Variants in SGCZ observed in about 807,000 individuals in gnomAD.
The protein encoded by SGCZ is zeta-sarcoglycan.
SGCZ carries 40 observed loss-of-function variants against 41.3 expected under a neutral mutation model. The observed-to-expected ratio is 0.97, with a 90% CI of 0.75 to 1.26. The LOEUF (loss-of-function observed/expected upper bound fraction) is 1.26. Among genes scored for constraint, SGCZ ranks in the 50% most tolerant of loss-of-function variants. The pLI, the probability that SGCZ is intolerant of heterozygous loss-of-function variation, is 0.00. For synonymous variants in SGCZ, 206 were observed against 137.5 expected (o/e 1.50, Z -3.49); for missense variants, 552 against 369.8 (o/e 1.49, Z -4.04).
At chr8:14,756,384 C>A (rs909130756) in intron 1 of SGCZ, among the ~76,000 whole-genome samples, 1 of 152,028 alleles carries the variant, frequency 6.6e-6, no homozygotes, top group African/African-American at 2.4e-5. Flanking sequence ...GGGGTTTCTC[C>A]ATGTTGGTCA....
At chr8:14,149,736 A>C (rs1306035093) in intron 5 of SGCZ, among the ~76,000 whole-genome samples, 10 of 152,076 alleles carry the variant, frequency 6.6e-5, no homozygotes, top group Non-Finnish European at 1.5e-5. Context: ...CCTAATCAAA[A>C]AGAATGAAAC....
At chr8:14,766,727 ATTTTTTTTTTT>A (rs33955290) in intron 1 of SGCZ, among the ~76,000 whole-genome samples, 1 of 92,804 alleles carries the variant, frequency 1.1e-5, no homozygotes, top group Non-Finnish European at 2.0e-5. Flanking sequence ...ATGTCCAGCT[ATTTTTTTTTTT>A]TTTTTTTTTT....
chr8:14,859,795 T>C (rs1803658828), intron 1 of SGCZ, among the ~76,000 whole-genome samples: 1 of 152,280 alleles, frequency 6.6e-6, no homozygotes, highest in Admixed American at 6.5e-5. Flanking sequence ...GGAAATGATA[T>C]TGGAATCGAA....
intron 1 of SGCZ, among the ~76,000 whole-genome samples, chr8:14,776,135 G>A (rs1376663389): frequency 6.6e-6 from 1 of 152,186 alleles, no homozygotes; most frequent in East Asian, 1.9e-4. Context: ...AATTTAAAAT[G>A]TGGTGATTTG....
intron 1 of SGCZ, among the ~76,000 whole-genome samples, chr8:15,076,407 C>A (rs150100336): frequency 2.7e-3 from 410 of 152,176 alleles, no homozygotes; most frequent in Non-Finnish European, 4.3e-3. Context: ...ACTGTGATTG[C>A]AGAAAGAGTT....
intron 6 of SGCZ, among the ~76,000 whole-genome samples, chr8:14,103,556 G>A (rs960980732): frequency 6.6e-6 from 1 of 152,180 alleles, no homozygotes; most frequent in South Asian, 2.1e-4. Flanking sequence ...CTGGAGTTCA[G>A]CTCCCTCTCA....
intron 1 of SGCZ, among the ~76,000 whole-genome samples, chr8:15,220,312 C>A (rs1432011094): frequency 6.6e-6 from 1 of 152,144 alleles, no homozygotes; most frequent in South Asian, 2.1e-4. Context: ...GCTATCTAGT[C>A]TTATTCCATT....
chr8:14,914,805 C>G (rs1261737086), intron 1 of SGCZ, among the ~76,000 whole-genome samples: 1 of 152,162 alleles, frequency 6.6e-6, no homozygotes, highest in East Asian at 1.9e-4. Context: ...TTTCAGTACA[C>G]TGGAGAGCTA....
intron 2 of SGCZ, among the ~76,000 whole-genome samples, chr8:14,501,324 C>T (rs571145011): frequency 1.3e-5 from 2 of 152,102 alleles, no homozygotes; most frequent in African/African-American, 4.8e-5. Context: ...ATTCCATCTG[C>T]AGCATCATTT....
chr8:14,817,907 C>A (rs188378028), intron 1 of SGCZ, among the ~76,000 whole-genome samples: 4 of 152,200 alleles, frequency 2.6e-5, no homozygotes, highest in Admixed American at 2.0e-4. Flanking sequence ...AACACTCACA[C>A]CTGGCTCAAC....
At chr8:15,110,100 A>G (rs1178158780) in intron 1 of SGCZ, among the ~76,000 whole-genome samples, 5 of 152,208 alleles carry the variant, frequency 3.3e-5, no homozygotes, top group African/African-American at 1.2e-4. Context: ...TTAGAAATCT[A>G]GAGTGAATTC....
chr8:14,553,411 G>T (rs980839608), intron 2 of SGCZ, among the ~76,000 whole-genome samples: 1 of 152,022 alleles, frequency 6.6e-6, no homozygotes, highest in South Asian at 2.1e-4. Flanking sequence ...CTAGGCAACA[G>T]TTATTATTTT....
chr8:14,768,673 C>T (rs1463289317), intron 1 of SGCZ, among the ~76,000 whole-genome samples: 1 of 152,094 alleles, frequency 6.6e-6, no homozygotes, highest in African/African-American at 2.4e-5. Flanking sequence ...CACACATCCT[C>T]CTCACTTCAA....
At chr8:14,282,870 G>C (rs1486714954) in intron 3 of SGCZ, among the ~76,000 whole-genome samples, 2 of 20,802 alleles carry the variant, frequency 9.6e-5, no homozygotes, top group Admixed American at 6.9e-4. Flanking sequence ...TTTTTTTTGA[G>C]ACGGAGTCTC....
intron 1 of SGCZ, among the ~76,000 whole-genome samples, chr8:14,872,741 A>G (rs537643224): frequency 2.8e-4 from 43 of 152,290 alleles, no homozygotes; most frequent in African/African-American, 9.9e-4. Flanking sequence ...CAAAATAGTG[A>G]TAACTATGAG....
intron 3 of SGCZ, among the ~76,000 whole-genome samples, chr8:14,305,395 C>T (rs1158805637): frequency 6.6e-6 from 1 of 152,056 alleles, no homozygotes; most frequent in Non-Finnish European, 1.5e-5. Flanking sequence ...TGTCCCTAAA[C>T]CAAGACTTTT....
intron 2 of SGCZ, among the ~76,000 whole-genome samples, chr8:14,407,982 A>G (rs4336615): frequency 0.13 from 20,316 of 152,034 alleles, 2,939 homozygotes; most frequent in African/African-American, 0.36. Flanking sequence ...ACGGAGAGAT[A>G]GTTATTTAAT....
At chr8:14,870,819 G>A (rs571374402) in intron 1 of SGCZ, among the ~76,000 whole-genome samples, 16 of 152,012 alleles carry the variant, frequency 1.1e-4, no homozygotes, top group Non-Finnish European at 7.4e-5. Context: ...ACAAACATAC[G>A]AAACAAGGCT....
At chr8:14,431,854 A>C (rs1042135338) in intron 2 of SGCZ, among the ~76,000 whole-genome samples, 1 of 152,178 alleles carries the variant, frequency 6.6e-6, no homozygotes, top group African/African-American at 2.4e-5. Flanking sequence ...CAATCCCATC[A>C]AAAAGTGGGC....
Sources: gnomAD v4.1 joint callset for allele counts (sites outside exome capture counted in the v4.1 genomes callset) on GRCh38, gnomAD v4.1.1 for gene constraint, MANE v1.5 for transcripts, NCBI Gene and HGNC (gene_info 2026-07-23, HGNC 2026-07-21) for gene names.